Variants in GRID2 observed in about 807,000 individuals in gnomAD.
GRID2 encodes the protein glutamate ionotropic receptor delta type subunit 2, also known as glutamate receptor ionotropic, delta-2.
Under a neutral mutation model 114.8 loss-of-function variants are expected in GRID2, and 33 were observed. That is an observed-to-expected ratio of 0.29 (90% confidence interval 0.22 to 0.38). GRID2 has a LOEUF of 0.38. GRID2 is among the 10% of genes least tolerant of loss of function. The probability of loss-of-function intolerance (pLI) is 1.00; values close to 1 mark genes in which losing one functional copy is unlikely to be tolerated. For synonymous variants in GRID2, 505 were observed against 449.9 expected (o/e 1.12, Z -1.55); for missense variants, 1,184 against 1,257.7 (o/e 0.94, Z 0.89).
chr4:93,176,048 C>T (rs1300453131), intron 4 of GRID2, among the ~76,000 whole-genome samples: 1 of 152,052 alleles, frequency 6.6e-6, no homozygotes, highest in Non-Finnish European at 1.5e-5. Context: ...ATAATGGGTG[C>T]ATAAAAGCAA....
At chr4:93,459,343 A>G (rs1170216641) in intron 11 of GRID2, among the ~76,000 whole-genome samples, 9 of 152,112 alleles carry the variant, frequency 5.9e-5, no homozygotes. Flanking sequence ...GAAATGTAAT[A>G]GAGGAGAACA....
intron 8 of GRID2, among the ~76,000 whole-genome samples, chr4:93,239,881 T>G (rs1283369785): frequency 1.3e-5 from 2 of 151,728 alleles, no homozygotes; most frequent in Non-Finnish European, 3.0e-5. Context: ...TTGTCAATGT[T>G]TCAACTTATG....
intron 1 of GRID2, among the ~76,000 whole-genome samples, chr4:92,582,552 T>C (rs1421432262): frequency 1.3e-5 from 2 of 151,942 alleles, no homozygotes; most frequent in Non-Finnish European, 2.9e-5. Flanking sequence ...AACTTCAAAG[T>C]ATGCAAAAAG....
intron 8 of GRID2, among the ~76,000 whole-genome samples, chr4:93,289,627 G>T (rs1266519493): frequency 6.6e-6 from 1 of 152,126 alleles, no homozygotes; most frequent in African/African-American, 2.4e-5. Flanking sequence ...TATGTAGGTT[G>T]TTTATATGCA....
chr4:92,399,679 A>G (rs1178288547), intron 1 of GRID2, among the ~76,000 whole-genome samples: 1 of 151,358 alleles, frequency 6.6e-6, no homozygotes, highest in African/African-American at 2.4e-5. Context: ...ATATATATAT[A>G]TATATACATA....
At chr4:92,712,033 T>C (rs973320655) in intron 2 of GRID2, among the ~76,000 whole-genome samples, 13 of 152,218 alleles carry the variant, frequency 8.5e-5, no homozygotes, top group African/African-American at 3.1e-4. Context: ...AACATAGTTA[T>C]AGAAGTAACA....
At chr4:93,050,831 C>A (rs1726640631) in intron 2 of GRID2, among the ~76,000 whole-genome samples, 1 of 151,860 alleles carries the variant, frequency 6.6e-6, no homozygotes, top group African/African-American at 2.4e-5. Context: ...ATAATTAACA[C>A]AATTATTTGG....
chr4:92,491,058 CA>C (rs1360232638), intron 1 of GRID2, among the ~76,000 whole-genome samples: 1 of 152,146 alleles, frequency 6.6e-6, no homozygotes, highest in East Asian at 1.9e-4. Context: ...CCCTATTGCA[CA>C]ATAAGCAATT....
intron 11 of GRID2, among the ~76,000 whole-genome samples, chr4:93,470,174 T>C (rs1229969344): frequency 6.6e-6 from 1 of 152,086 alleles, no homozygotes; most frequent in Non-Finnish European, 1.5e-5. Context: ...TTTATAATAA[T>C]GTAAGATATT....
chr4:92,443,841 C>T (rs1733278952), intron 1 of GRID2, among the ~76,000 whole-genome samples: 1 of 152,194 alleles, frequency 6.6e-6, no homozygotes, highest in African/African-American at 2.4e-5. Context: ...AGAGAGGCGT[C>T]CCTGCAATGA....
At chr4:93,686,480 T>A (rs1233408724) in intron 14 of GRID2, among the ~76,000 whole-genome samples, 1 of 150,092 alleles carries the variant, frequency 6.7e-6, no homozygotes, top group Non-Finnish European at 1.5e-5. Flanking sequence ...GATATAGAAG[T>A]AAACAGACGA....
At chr4:92,518,218 T>A (rs1724600354) in intron 1 of GRID2, among the ~76,000 whole-genome samples, 1 of 151,760 alleles carries the variant, frequency 6.6e-6, no homozygotes, top group Non-Finnish European at 1.5e-5. Context: ...GTGGATTCTT[T>A]GCCTGATAAT....
At chr4:93,594,046 C>T (rs1262458937) in intron 13 of GRID2, among the ~76,000 whole-genome samples, 8 of 152,196 alleles carry the variant, frequency 5.3e-5, no homozygotes, top group Non-Finnish European at 1.2e-4. Flanking sequence ...AAGCCTTCTT[C>T]TCTCAGCTCG....
At chr4:92,462,569 C>T (rs1721551191) in intron 1 of GRID2, among the ~76,000 whole-genome samples, 1 of 151,772 alleles carries the variant, frequency 6.6e-6, no homozygotes, top group South Asian at 2.1e-4. Context: ...TTTCTGACAA[C>T]TCAAGCAGAA....
chr4:93,242,760 T>G (rs977629485), intron 8 of GRID2, among the ~76,000 whole-genome samples: 1 of 151,936 alleles, frequency 6.6e-6, no homozygotes, highest in Admixed American at 6.6e-5. Context: ...TTCTAGGCAC[T>G]CATCAAGGGA....
chr4:93,469,719 C>T (rs940515360), intron 11 of GRID2, among the ~76,000 whole-genome samples: 68 of 152,178 alleles, frequency 4.5e-4, no homozygotes, highest in African/African-American at 1.5e-3. Flanking sequence ...AATCTGTAAA[C>T]TCAGCATTAT....
chr4:92,662,814 C>T (rs1276804202), intron 2 of GRID2, among the ~76,000 whole-genome samples: 1 of 150,930 alleles, frequency 6.6e-6, no homozygotes, highest in East Asian at 1.9e-4. Flanking sequence ...TTGGAGTTTT[C>T]TGGAGTCCTT....
intron 2 of GRID2, among the ~76,000 whole-genome samples, chr4:92,745,458 T>C (rs528608356): frequency 6.6e-6 from 1 of 152,318 alleles, no homozygotes; most frequent in African/African-American, 2.4e-5. Flanking sequence ...GGTCCATGTT[T>C]ATACTGTTTA....
intron 4 of GRID2, among the ~76,000 whole-genome samples, chr4:93,122,951 C>T (rs1733934384): frequency 1.8e-5 from 2 of 112,012 alleles, no homozygotes; most frequent in South Asian, 5.8e-4. Flanking sequence ...TTGCGTTTGA[C>T]CTAAATTGTA....
Sources: allele counts gnomAD v4.1 joint callset (sites outside exome capture counted in the v4.1 genomes callset), GRCh38; gene constraint gnomAD v4.1.1; transcripts MANE v1.5; gene names NCBI Gene and HGNC (gene_info 2026-07-23, HGNC 2026-07-21).